Variants in SMARCC2 observed in about 807,000 individuals in gnomAD.
The protein encoded by SMARCC2 is SWI/SNF complex subunit SMARCC2.
Under a neutral mutation model 151.3 loss-of-function variants are expected in SMARCC2, and 15 were observed. The observed-to-expected ratio is 0.10, with a 90% CI of 0.07 to 0.15. The LOEUF (loss-of-function observed/expected upper bound fraction) is 0.15. SMARCC2 is among the 10% of genes least tolerant of loss of function. SMARCC2 has a pLI of 1.00. For synonymous variants in SMARCC2, 590 were observed against 609.5 expected (o/e 0.97, Z 0.47); for missense variants, 1,031 against 1,599.7 (o/e 0.64, Z 6.06).
At chr12:56,167,377 T>TA (rs1872998577) in intron 26 of SMARCC2, among the ~76,000 whole-genome samples, 1 of 151,526 alleles carries the variant, frequency 6.6e-6, no homozygotes, top group Admixed American at 6.6e-5. Flanking sequence ...ATAAATAAAA[T>TA]AAATTGTTGA....
In SMARCC2 at chr12:56,179,044, T is replaced by A; in HGVS notation, c.1094A>T (p.Lys365Ile). ...TTTGACTGGGGCCGACTCTGAGTCT[T>A]TCTTTGTGTTGACTGCGAAAACAGA... ...VTLPKTVNTK[K>I]DSESAPVKGG... is the part of the protein sequence containing the mutation. Residue 365 changes from lysine to isoleucine, a missense_variant, in exon 12 of 29, where the codon AAA becomes ATA. Lys to Ile is a moderately radical substitution (Grantham distance 102, BLOSUM62 -3). This residue lies in a region of SMARCC2 where 127 missense variants were observed against 141.7 expected (regional missense o/e 0.90). Transcript: ENST00000550164. 6.2e-7 allele frequency: 1 copy of A among 1,614,180 alleles called. No individual in the cohort carries two copies. The highest frequency in any genetic ancestry group is 8.5e-7 in the Non-Finnish European group (1 of 1,180,012).
At position 56,171,624 on chromosome 12, in the gene SMARCC2, C is replaced by T. The variant is rs1482156929; in HGVS notation, c.2185+55G>A. On this transcript the variant is annotated intron_variant, in intron 21 of 28. Transcript: ENST00000550164. The surrounding 1 kb of genome is among the most constrained non-coding windows in gnomAD (Gnocchi z 4.2). ...TTGAGAGGATTCACAGTCTGAGTAACTAGCCCTTCAAAAGCAAACTAAGAA... is the reference window on the plus strand; with the variant it reads ...TTGAGAGGATTCACAGTCTGAGTAATTAGCCCTTCAAAAGCAAACTAAGAA... 2.6e-6 allele frequency: 4 copies of T among 1,521,566 alleles called. No homozygotes were observed. The highest frequency in any genetic ancestry group is 1.4e-5 in the African/African-American group (1 of 71,864). The allele number at this position is 1,521,566 out of a possible 1,614,324, so 94.3% of individuals were successfully genotyped here. A position where few individuals can be genotyped will look rare whatever the true frequency, so the allele number is the denominator to read the frequency against.
intron 15 of SMARCC2, among the ~76,000 whole-genome samples, chr12:56,175,095 TC>T (rs1874691827): frequency 6.6e-6 from 1 of 152,188 alleles, no homozygotes; most frequent in African/African-American, 2.4e-5. Context: ...CATGGCAACT[TC>T]CGCCTCCTGG....
chr12:56,165,914 T>G (rs1817393263), intron 26 of SMARCC2, among the ~76,000 whole-genome samples: 1 of 152,236 alleles, frequency 6.6e-6, no homozygotes, highest in Non-Finnish European at 1.5e-5. Context: ...CATGGTTTCT[T>G]ATTGCAATGA....
chr12:56,189,328 G>C, intron 1 of SMARCC2, 23 bp downstream of exon 1: 5 of 1,436,522 alleles, frequency 3.5e-6, no homozygotes, highest in Non-Finnish European at 4.7e-6. Flanking sequence ...CGGTCCCCGC[G>C]CGGCCCGGCC....
Position 56,189,438 on chromosome 12 carries a change from G to A in SMARCC2, c.24C>T (p.Gly8=). 3.3e-6 allele frequency: 5 copies of A among 1,504,304 alleles called. No homozygotes were observed. The highest frequency in any genetic ancestry group is 2.7e-5 in the East Asian group (1 of 36,662). The allele number at this position is 1,504,304 out of a possible 1,614,324, so 93.2% of individuals were successfully genotyped here. A position where few individuals can be genotyped will look rare whatever the true frequency, so the allele number is the denominator to read the frequency against. MAVRKKD[G]GPNVKYYEAA... ...CCTCGTAGTACTTCACGTTGGGGCC[G>A]CCGTCCTTCTTCCGCACCGCCATCT... Residue 8 remains glycine (G), a synonymous_variant, in exon 1 of 29, where the codon GGC becomes GGT. Coordinates refer to ENST00000550164, the MANE Select transcript of SMARCC2 (RefSeq NM_001330288.2).
At position 56,172,692 on chromosome 12, in the gene SMARCC2, A is replaced by T. The variant is rs1874184278; in HGVS notation, c.1756T>A (p.Ser586Thr). 6.2e-7 allele frequency: 1 copy of T among 1,613,988 alleles called. No individual in the cohort carries two copies. ...TCAGGAAAGTTGAGCATTTGTTGGG[A>T]AGCAGAGGTCTGCTATTTGTGGAGG... ...KGKPELQTSA[S>T]QQMLNFPDKG... is the part of the protein sequence containing the mutation. The change falls in exon 19 of 29, where the codon TCC becomes ACC. Residue 586 changes from serine (S) to threonine (T), a missense_variant. Physicochemically the swap from Ser to Thr is moderately conservative, Grantham distance 58. Transcript: ENST00000550164.
In SMARCC2 at chr12:56,181,030, A is replaced by G. The variant is rs1160370397; in HGVS notation, c.1028T>C (p.Met343Thr). ...EEEQEDLTKD[M>T]DEPSPVPNVE... Reference sequence around the variant, plus strand: ...ATTGGGGACTGGTGAGGGCTCGTCCATGTCCTTTGTCAGGTCTTCTTGCTC... The same window carrying G: ...ATTGGGGACTGGTGAGGGCTCGTCCGTGTCCTTTGTCAGGTCTTCTTGCTC... Residue 343 changes from methionine to threonine, a missense_variant, in exon 11 of 29, where the codon ATG (methionine) becomes ACG (threonine). Met to Thr is a moderately conservative substitution (Grantham distance 81). Around this residue, in one of 12 missense-constraint regions of SMARCC2, gnomAD observed 127 missense variants for 141.7 expected, o/e 0.90. Coordinates refer to ENST00000550164, the MANE Select transcript of SMARCC2 (RefSeq NM_001330288.2). The G allele has an allele frequency of 2.5e-6, 4 of 1,613,750 alleles. No homozygotes were observed. Among genetic ancestry groups the G allele is most frequent in the Non-Finnish European group, 3.4e-6 (4 of 1,179,916 alleles).
chr12:56,184,920 C>T lies in SMARCC2; in HGVS notation c.416G>A (p.Arg139Gln). The change falls in exon 5 of 29, where the codon CGA (arginine) becomes CAA (glutamine). Residue 139 changes from arginine (R) to glutamine (Q), a missense_variant. By Grantham distance (43) the Arg-to-Gln change is conservative. This residue lies in a region of SMARCC2 where 123 missense variants were observed against 190.4 expected (regional missense o/e 0.65). Transcript: ENST00000550164. ...KSLVQNNCLS[R>Q]PNIFLCPEIE... ...TTCTGGGCACAGAAAAATGTTAGGT[C>T]GAGACAGGCAATTATTCTGTGGAGA... is the stretch of plus-strand genomic sequence containing the variant. 5 of 1,612,486 alleles carry T rather than the reference C, an allele frequency of 3.1e-6. No individual in the cohort carries two copies. The highest frequency in any genetic ancestry group is 2.2e-5 in the East Asian group (1 of 44,870).
intron 2 of SMARCC2, 34 bp from the exon 3 acceptor site, chr12:56,186,274 G>A (rs1877223682): frequency 7.6e-7 from 1 of 1,322,086 alleles, no homozygotes; most frequent in African/African-American, 1.4e-5. Flanking sequence ...AGCATGTCAA[G>A]GTTCCACTGT....
At chr12:56,188,316 G>A (rs1279262069) in intron 1 of SMARCC2, among the ~76,000 whole-genome samples, 1 of 152,168 alleles carries the variant, frequency 6.6e-6, no homozygotes, top group Non-Finnish European at 1.5e-5. Flanking sequence ...CTCACACCCA[G>A]AGAGACCCCA....
chr12:56,170,656 C>T (rs11171765), intron 22 of SMARCC2, among the ~76,000 whole-genome samples: 1 of 151,460 alleles, frequency 6.6e-6, no homozygotes, highest in South Asian at 2.1e-4. Context: ...CTCAAACCAT[C>T]TGCCCACCTC....
At chr12:56,186,950 G>A in intron 2 of SMARCC2, 1 of 407,552 alleles carries the variant, frequency 2.5e-6, no homozygotes, top group Non-Finnish European at 4.6e-6. Flanking sequence ...AGAGACCTGT[G>A]GACTGATCCC....
chr12:56,187,567 T>C (rs1290038157), intron 1 of SMARCC2, among the ~76,000 whole-genome samples: 1 of 152,208 alleles, frequency 6.6e-6, no homozygotes, highest in Non-Finnish European at 1.5e-5. Flanking sequence ...AGTTATACTC[T>C]GAAATTGGAG....
chr12:56,184,756 A>T, intron 5 of SMARCC2, 88 bp downstream of exon 5: 1 of 787,778 alleles, frequency 1.3e-6, no homozygotes, highest in Non-Finnish European at 2.2e-6. Context: ...AGCAGAAAAC[A>T]TGGTAATTCA....
rs1026025380 is a variant in SMARCC2 at position 56,185,185 on chromosome 12, T to C, written c.318-74A>G. On this transcript the variant is annotated intron_variant, in intron 3 of 28. Transcript: ENST00000550164. ...ATGAGGTGAGGGCACGTGACTTTTTTGTTTGTTTTTTGAGATGGAGTCTTG... is the reference window on the plus strand; with the variant it reads ...ATGAGGTGAGGGCACGTGACTTTTTCGTTTGTTTTTTGAGATGGAGTCTTG... 5 of 1,272,270 alleles carry C rather than the reference T, an allele frequency of 3.9e-6. No homozygotes were observed. In the Admixed American group the frequency reaches 8.8e-5, roughly 22 times the overall value. The allele number at this position is 1,272,270 out of a possible 1,614,324, so 78.8% of individuals were successfully genotyped here. A position where few individuals can be genotyped will look rare whatever the true frequency, so the allele number is the denominator to read the frequency against.
At chr12:56,173,095 C>A in intron 17 of SMARCC2, 66 bp from the exon 18 acceptor site, 1 of 1,462,096 alleles carries the variant, frequency 6.8e-7, no homozygotes, top group South Asian at 1.1e-5. Flanking sequence ...CCCTGGAGGC[C>A]TCAAGACCAT....
chr12:56,182,441 C>G (rs1051964226), intron 7 of SMARCC2, among the ~76,000 whole-genome samples: 4 of 151,766 alleles, frequency 2.6e-5, no homozygotes, highest in African/African-American at 9.7e-5. Flanking sequence ...TCTCCTGCCT[C>G]AGCCTCCCGA....
Position 56,170,130 on chromosome 12 carries a change from A to T in SMARCC2, c.2412+14T>A, listed in dbSNP as rs1873637115. The T allele has an allele frequency of 1.2e-6, 2 of 1,610,780 alleles. No homozygotes were observed. Among genetic ancestry groups the T allele is most frequent in the Non-Finnish European group, 1.7e-6 (2 of 1,177,120 alleles). The stretch of plus-strand genomic sequence containing the variant: ...TGCACGCAGCCCCTGCAGCTTCCAG[A>T]AATCCCTCTATACCTTGGGCTCCTT... On this transcript the variant is annotated intron_variant, in intron 23 of 28. Coordinates refer to ENST00000550164, the MANE Select transcript of SMARCC2 (RefSeq NM_001330288.2).
Sources: gnomAD v4.1 joint callset for allele counts (sites outside exome capture counted in the v4.1 genomes callset) on GRCh38, gnomAD v4.1.1 for gene constraint, gnomAD v4.1.1 regional missense constraint, Gnocchi (gnomAD v3.1) non-coding constraint, MANE v1.5 for transcripts, NCBI Gene and HGNC (gene_info 2026-07-23, HGNC 2026-07-21) for gene names.